SETX: variants seen among roughly 807,000 people sequenced by gnomAD.
The protein encoded by SETX is senataxin, also known as helicase senataxin.
SETX carries 90 observed loss-of-function variants against 227.2 expected under a neutral mutation model. The observed-to-expected ratio is 0.40, with a 90% CI of 0.33 to 0.47. The LOEUF (loss-of-function observed/expected upper bound fraction) is 0.47, where lower values mean the gene tolerates loss of function less well. Ranked by LOEUF, SETX falls within the 20% of genes least tolerant of loss-of-function variation. SETX has a pLI of 0.91. For synonymous variants in SETX, 1,210 were observed against 1,113.2 expected (o/e 1.09, Z -1.73); for missense variants, 3,052 against 3,181.5 (o/e 0.96, Z 0.98).
Position 132,327,557 on chromosome 9 carries a change from T to C in SETX, c.4041A>G (p.Glu1347=), listed in dbSNP as rs1429792322. The C allele has an allele frequency of 6.2e-7, 1 of 1,614,120 alleles. No individual in the cohort carries two copies. Among genetic ancestry groups the C allele is most frequent in the Admixed American group, 1.7e-5 (1 of 60,028 alleles). Residue 1347 remains glutamate (E), a synonymous_variant, in exon 10 of 26, where the codon GAA becomes GAG. Transcript: ENST00000224140. ...RNNKKLLTSQ[E]LQMQRQIRPK... The stretch of plus-strand genomic sequence containing the variant: ...GTCTGATCTGCCTTTGCATCTGAAG[T>C]TCTTGACTAGTCAGAAGTTTCTTAT...
chr9:132,271,934 G>C, intron 23 of SETX, 126 bp from the exon 24 acceptor site: 1 of 699,544 alleles, frequency 1.4e-6, no homozygotes, highest in Non-Finnish European at 2.4e-6. Flanking sequence ...CCAGGCTGGA[G>C]TGCAGTGGCG....
At chr9:132,279,840 G>T (rs1052781529) in intron 20 of SETX, among the ~76,000 whole-genome samples, 5 of 151,946 alleles carry the variant, frequency 3.3e-5, no homozygotes, top group Admixed American at 6.6e-5. Flanking sequence ...TTCTGACATG[G>T]GAGGATGTCC....
At chr9:132,336,554 A>G (rs753137032) in intron 5 of SETX, 39 bp from the exon 6 acceptor site, 3 of 1,392,490 alleles carry the variant, frequency 2.2e-6, no homozygotes, top group African/African-American at 2.8e-5. Flanking sequence ...TTCAATAAAC[A>G]ATGGTCTACA....
At chr9:132,269,255 T>C in intron 25 of SETX, 1 of 460,256 alleles carries the variant, frequency 2.2e-6, no homozygotes, top group Non-Finnish European at 3.7e-6. Context: ...GCAAACTCTC[T>C]CTGGCATTAA....
In SETX at chr9:132,325,123, A is replaced by C. The variant is rs550153974; in HGVS notation, c.5274+1201T>G. 4.7e-3 allele frequency among the ~76,000 whole-genome samples: 713 copies of C among 151,996 alleles called. 3 individuals are homozygous for C. The highest frequency in any genetic ancestry group is 7.5e-3 in the Non-Finnish European group (510 of 67,912). On this transcript the variant is annotated intron_variant, in intron 10 of 25. Coordinates refer to ENST00000224140, the MANE Select transcript of SETX (RefSeq NM_015046.7). ...TGTAATCCCAGCACTTTGGGAGGCC[A>C]AGGCGGGCAGATCACAAGGTCAGGA...
intron 5 of SETX, among the ~76,000 whole-genome samples, chr9:132,337,797 G>T (rs1315173720): frequency 6.6e-6 from 1 of 152,152 alleles, no homozygotes; most frequent in African/African-American, 2.4e-5. Flanking sequence ...CATAGTTCAG[G>T]CAAGACACAT....
intron 25 of SETX, among the ~76,000 whole-genome samples, chr9:132,265,473 C>A (rs1302324621): frequency 1.3e-5 from 2 of 152,128 alleles, no homozygotes; most frequent in Non-Finnish European, 2.9e-5. Context: ...GATCCGCCCG[C>A]CTCAGCTCCC....
Position 132,288,753 on chromosome 9 carries a change from G to A in SETX, c.6107-102C>T. On this transcript the variant is annotated intron_variant, in intron 15 of 25. Coordinates refer to ENST00000224140, the MANE Select transcript of SETX (RefSeq NM_015046.7). Reference sequence around the variant, plus strand: ...TTCTAAGTAAATATGTTAATAATCAGAGAAGGGAGCAAACATGAACTTCCA... The same window carrying A: ...TTCTAAGTAAATATGTTAATAATCAAAGAAGGGAGCAAACATGAACTTCCA... The A allele has an allele frequency of 3.7e-6, 3 of 817,074 alleles. No individual in the cohort carries two copies. The South Asian group carries it at 4.4e-5, about 12-fold the overall frequency. The allele number at this position is 817,074 out of a possible 1,614,324, so 50.6% of individuals were successfully genotyped here. A position where few individuals can be genotyped will look rare whatever the true frequency, so the allele number is the denominator to read the frequency against.
chr9:132,325,151 T>C (rs1417920538), intron 10 of SETX, among the ~76,000 whole-genome samples: 2 of 151,938 alleles, frequency 1.3e-5, no homozygotes, highest in Non-Finnish European at 2.9e-5. Flanking sequence ...GGTCAGGAGA[T>C]TGAGACCATC....
rs779472573 is a variant in SETX at position 132,326,732 on chromosome 9, C to T, written c.4866G>A (p.Pro1622=). Residue 1622 remains proline, a synonymous_variant, in exon 10 of 26, where the codon CCG becomes CCA. Transcript: ENST00000224140. Reference sequence around the variant, plus strand: ...TCCCCTTTGACTTATTTTTTAGAGACGGTGAAAGTGCTGAAGAAGTTTCCA... The same window carrying T: ...TCCCCTTTGACTTATTTTTTAGAGATGGTGAAAGTGCTGAAGAAGTTTCCA... ...KSLETSSALS[P]SLKNKSKGIQ... 3.1e-5 allele frequency: 50 copies of T among 1,614,022 alleles called. No homozygotes were observed. The highest frequency in any genetic ancestry group is 3.3e-4 in the Middle Eastern group (2 of 6,084).
At chr9:132,343,370 T>C (rs1848107436) in intron 4 of SETX, among the ~76,000 whole-genome samples, 1 of 152,088 alleles carries the variant, frequency 6.6e-6, no homozygotes, top group Non-Finnish European at 1.5e-5. Context: ...CTTAGGATAA[T>C]TATCTCCATA....
At chr9:132,281,402 T>C in intron 20 of SETX, 65 bp downstream of exon 20, 3 of 1,158,524 alleles carry the variant, frequency 2.6e-6, no homozygotes, top group Admixed American at 3.4e-5. Context: ...TGTCTCTCCC[T>C]CCTGAAAACA....
upstream of SETX, among the ~76,000 whole-genome samples, chr9:132,355,509 A>C (rs1436059176): frequency 6.6e-6 from 1 of 152,258 alleles, no homozygotes; most frequent in Non-Finnish European, 1.5e-5. Flanking sequence ...GGGAGACCTT[A>C]GGTCTTGCGA....
chr9:132,295,447 G>T (rs1844613098), intron 15 of SETX, among the ~76,000 whole-genome samples: 1 of 152,116 alleles, frequency 6.6e-6, no homozygotes, highest in African/African-American at 2.4e-5. Context: ...AGGCTCTCTT[G>T]CCCTGATTCT....
Position 132,326,967 on chromosome 9 carries a change from A to G in SETX, c.4631T>C (p.Leu1544Ser), listed in dbSNP as rs754357821. The change falls in exon 10 of 26, where the codon TTG (leucine) becomes TCG (serine). Residue 1544 changes from leucine (L) to serine (S), a missense_variant. Transcript: ENST00000224140. The part of the protein sequence containing the change: ...DSVSRPQLES[L>S]SGTKCKYKDC... ...TTTGTACTTACACTTTGTGCCACTC[A>G]AAGATTCCAACTGAGGCCGACTTAC... 3.6e-5 allele frequency: 58 copies of G among 1,614,116 alleles called. No individual in the cohort carries two copies. The highest frequency in any genetic ancestry group is 3.3e-4 in the Middle Eastern group (2 of 6,084).
rs1249216209 is a variant in SETX at position 132,330,217 on chromosome 9, T to A, written c.1381A>T (p.Ile461Phe). ...TGCAGTTCAATCACTGATACCAAAATTAGAAGAAAAAATTCAGTGACTTTG... is the reference window on the plus strand; with the variant it reads ...TGCAGTTCAATCACTGATACCAAAAATAGAAGAAAAAATTCAGTGACTTTG... ...CDKVTEFFLL[I>F]LVSVIELHRN... Residue 461 changes from isoleucine to phenylalanine, a missense_variant, in exon 10 of 26, where the codon ATT becomes TTT. By Grantham distance (21) the Ile-to-Phe change is conservative (BLOSUM62 0). This residue lies in a region of SETX where 179 missense variants were observed against 197.1 expected (regional missense o/e 0.91). Coordinates refer to ENST00000224140, the MANE Select transcript of SETX (RefSeq NM_015046.7). 6.4e-7 allele frequency: 1 copy of A among 1,568,090 alleles called. No individual in the cohort carries two copies.
intron 11 of SETX, among the ~76,000 whole-genome samples, chr9:132,301,559 C>T (rs56017690): frequency 0.019 from 2,840 of 152,166 alleles, 44 homozygotes; most frequent in Admixed American, 0.028. Flanking sequence ...TTTACTGTAT[C>T]TTTTCTATGT....
chr9:132,294,800 G>T (rs1240995977), intron 15 of SETX, among the ~76,000 whole-genome samples: 3 of 152,312 alleles, frequency 2.0e-5, no homozygotes, highest in Non-Finnish European at 1.5e-5. Flanking sequence ...ACATGGTGAA[G>T]CAACCAGATG....
In SETX at chr9:132,261,722, G is replaced by A. The variant is rs916013542; in HGVS notation, c.*2517C>T. On this transcript the variant is annotated 3_prime_UTR_variant, in exon 26 of 26. Coordinates refer to ENST00000224140, the MANE Select transcript of SETX (RefSeq NM_015046.7). The stretch of plus-strand genomic sequence containing the variant: ...ACATGTACTTGTCAAATTTACTCCT[G>A]ATAATTCACAAAAACATACAACTCA... The A allele has an allele frequency of 1.9e-5, 3 of 154,098 alleles. No homozygotes were observed. The highest frequency in any genetic ancestry group is 4.4e-5 in the Non-Finnish European group (3 of 68,208). 9.5% of individuals were successfully genotyped at this position (154,098 alleles called of 1,614,324 possible).
Sources: allele counts gnomAD v4.1 joint callset (sites outside exome capture counted in the v4.1 genomes callset), GRCh38; gene constraint gnomAD v4.1.1; regional missense constraint gnomAD v4.1.1; transcripts MANE v1.5; gene names NCBI Gene and HGNC (gene_info 2026-07-23, HGNC 2026-07-21).